SYNPO2: variants seen among roughly 807,000 people sequenced by gnomAD.
SYNPO2 encodes synaptopodin-2.
SYNPO2 carries 56 observed loss-of-function variants against 85.0 expected under a neutral mutation model. The observed-to-expected ratio is 0.66, with a 90% CI of 0.53 to 0.82. The LOEUF is 0.82. Ranked by LOEUF, SYNPO2 falls within the 40% of genes least tolerant of loss-of-function variation. The pLI is 0.00. For synonymous variants in SYNPO2, 602 were observed against 591.1 expected (o/e 1.02, Z -0.27); for missense variants, 1,575 against 1,534.2 (o/e 1.03, Z -0.44).
chr4:119,023,450 C>T lies in SYNPO2; in HGVS notation c.126C>T (p.Ala42=). ...QVAKIRNQSK[A]SGSGLCEGDE... ...CTCAGATTCGAAATCAGAGCAAAGC[C>T]TCTGGGTCTGGGCTCTGTGAGGGAG... The change falls in exon 2 of 5, where the codon GCC becomes GCT. Residue 42 remains alanine (A), a synonymous_variant. Transcript: ENST00000307142. The T allele has an allele frequency of 6.2e-7, 1 of 1,612,548 alleles. No individual in the cohort carries two copies. The highest frequency in any genetic ancestry group is 8.5e-7 in the Non-Finnish European group (1 of 1,179,266).
intron 1 of SYNPO2, among the ~76,000 whole-genome samples, chr4:118,957,264 G>A (rs1734914080): frequency 6.6e-6 from 1 of 152,136 alleles, no homozygotes; most frequent in African/African-American, 2.4e-5. Context: ...CCTACTGAAT[G>A]CTTCTAATTT....
intron 1 of SYNPO2, among the ~76,000 whole-genome samples, chr4:118,860,552 C>CTTTTTTTTTTTTTTTTTTTTTTTTTT (rs34644748): frequency 1.8e-5 from 2 of 114,120 alleles, no homozygotes. Flanking sequence ...CCTCTTTTGC[C>CTTTTTTTTTTTTTTTTTTTTTTTTTT]TTTTTTTTTG....
intron 1 of SYNPO2, among the ~76,000 whole-genome samples, chr4:118,937,223 A>G (rs1007076951): frequency 6.6e-6 from 1 of 152,106 alleles, no homozygotes; most frequent in East Asian, 1.9e-4. Flanking sequence ...GTCCAAGTAC[A>G]TCTCCCTTCA....
Position 118,965,921 on chromosome 4 carries a change from G to A in SYNPO2, c.106-57509G>A, listed in dbSNP as rs573274485. ...AAAATATGAGGCCCTGTCACTACAA[G>A]ATTTTTTTTAAAAAAAATTAGCTGG... On this transcript the variant is annotated intron_variant, in intron 1 of 4. Transcript: ENST00000307142. 1.1e-3 allele frequency among the ~76,000 whole-genome samples: 138 copies of A among 127,662 alleles called. 5 individuals are homozygous for A. The highest frequency in any genetic ancestry group is 4.2e-3 in the Middle Eastern group (1 of 238). 83.8% of individuals were successfully genotyped at this position (127,662 alleles called of 152,430 possible). A position where few individuals can be genotyped will look rare whatever the true frequency, so the allele number is the denominator to read the frequency against.
chr4:118,888,793 A>C, upstream of SYNPO2: 1 of 526,416 alleles, frequency 1.9e-6, no homozygotes, highest in Non-Finnish European at 3.4e-6. Context: ...GTGACGCAAG[A>C]GTGGGCTGTG....
intron 1 of SYNPO2, among the ~76,000 whole-genome samples, chr4:118,932,869 C>T (rs748381262): frequency 1.3e-5 from 2 of 152,178 alleles, no homozygotes; most frequent in Non-Finnish European, 2.9e-5. Flanking sequence ...AACAAAATTT[C>T]TCACTTCTCT....
chr4:118,973,870 C>G (rs185438382), intron 1 of SYNPO2, among the ~76,000 whole-genome samples: 1 of 152,152 alleles, frequency 6.6e-6, no homozygotes, highest in Non-Finnish European at 1.5e-5. Context: ...CTAAACAAAC[C>G]CCACTGAAAT....
At chr4:118,973,469 T>C (rs1369081442) in intron 1 of SYNPO2, among the ~76,000 whole-genome samples, 5 of 152,100 alleles carry the variant, frequency 3.3e-5, no homozygotes, top group Admixed American at 3.3e-4. Context: ...TTCGTTTCTG[T>C]GATGAGTGAG....
chr4:118,993,636 C>T (rs1049434693), intron 1 of SYNPO2, among the ~76,000 whole-genome samples: 1 of 152,174 alleles, frequency 6.6e-6, no homozygotes, highest in Admixed American at 6.5e-5. Flanking sequence ...ACTACAGACT[C>T]CCATGATGGA....
At chr4:118,965,287 C>G (rs891483713) in intron 1 of SYNPO2, among the ~76,000 whole-genome samples, 3 of 152,056 alleles carry the variant, frequency 2.0e-5, no homozygotes, top group African/African-American at 7.2e-5. Flanking sequence ...AGCACCCCCC[C>G]ACCCCAACCA....
chr4:118,948,293 A>G (rs892298668), intron 1 of SYNPO2, among the ~76,000 whole-genome samples: 5 of 152,206 alleles, frequency 3.3e-5, no homozygotes, highest in Admixed American at 6.5e-5. Context: ...TAGGACTAAA[A>G]TGTCCATTTT....
chr4:118,974,884 ACT>A (rs1491316593), intron 1 of SYNPO2, among the ~76,000 whole-genome samples: 2 of 152,174 alleles, frequency 1.3e-5, no homozygotes, highest in African/African-American at 2.4e-5. Flanking sequence ...TTTTTGCAGA[ACT>A]TTAATGGTTT....
At chr4:119,007,129 T>C (rs1183734797) in intron 1 of SYNPO2, among the ~76,000 whole-genome samples, 3 of 146,756 alleles carry the variant, frequency 2.0e-5, no homozygotes, top group Non-Finnish European at 4.5e-5. Flanking sequence ...CCTTTCTCTC[T>C]TCTCTCTCTG....
intron 1 of SYNPO2, among the ~76,000 whole-genome samples, chr4:118,993,914 C>G (rs2149169326): frequency 6.6e-6 from 1 of 152,324 alleles, no homozygotes; most frequent in East Asian, 1.9e-4. Context: ...TGATTTAATG[C>G]TTTGCCTAGT....
intron 1 of SYNPO2, among the ~76,000 whole-genome samples, chr4:118,977,277 G>T (rs531406314): frequency 0.03 from 4,618 of 152,334 alleles, 94 homozygotes; most frequent in Non-Finnish European, 0.044. Context: ...TACACCCTCT[G>T]CAGCCACTGG....
At chr4:118,918,425 C>T (rs528493653) in intron 1 of SYNPO2, among the ~76,000 whole-genome samples, 23 of 152,098 alleles carry the variant, frequency 1.5e-4, no homozygotes, top group African/African-American at 5.3e-4. Context: ...GTATTCTGTT[C>T]GTTGGTTGTT....
chr4:118,974,919 A>G (rs1250594966), intron 1 of SYNPO2, among the ~76,000 whole-genome samples: 1 of 152,106 alleles, frequency 6.6e-6, no homozygotes. Context: ...ATCTTCAGTC[A>G]TCTCCTGTCT....
chr4:118,930,721 C>T (rs75411087), intron 1 of SYNPO2, among the ~76,000 whole-genome samples: 4,812 of 146,660 alleles, frequency 0.033, 274 homozygotes, highest in African/African-American at 0.12. Flanking sequence ...TCAAGACCAG[C>T]CTGGGGAACA....
intron 4 of SYNPO2, chr4:119,034,044 G>A: frequency 1.0e-6 from 1 of 985,356 alleles, no homozygotes; most frequent in Non-Finnish European, 1.2e-6. Flanking sequence ...GCCTTTTTGG[G>A]AAACCAATTA....
Sources: allele counts gnomAD v4.1 joint callset (sites outside exome capture counted in the v4.1 genomes callset), GRCh38; gene constraint gnomAD v4.1.1; transcripts MANE v1.5; gene names NCBI Gene and HGNC (gene_info 2026-07-23, HGNC 2026-07-21).